The following PLCL2 variants were observed in gnomAD, a reference collection of about 807,000 sequenced individuals.
PLCL2 encodes the protein inactive phospholipase C-like protein 2.
PLCL2 carries 4 observed loss-of-function variants against 79.6 expected under a neutral mutation model. That is an observed-to-expected ratio of 0.05 (90% confidence interval 0.02 to 0.11). PLCL2 has a LOEUF of 0.11. Ranked by LOEUF, PLCL2 falls within the 10% of genes least tolerant of loss-of-function variation. The pLI is 1.00. For synonymous variants in PLCL2, 484 were observed against 457.7 expected, an observed-to-expected ratio of 1.06 and a Z score of -0.73; for missense variants, 895 against 1,291.0, an observed-to-expected ratio of 0.69 and a Z score of 4.70.
At chr3:16,952,360 CAA>C (rs35421244) in intron 1 of PLCL2, among the ~76,000 whole-genome samples, 237 of 22,550 alleles carry the variant, frequency 0.011, no homozygotes, top group African/African-American at 0.037. Flanking sequence ...GAACTTAAAG[CAA>C]AAAAAAAAAA....
At position 17,011,932 on chromosome 3, in the gene PLCL2, G is replaced by T. The variant is rs750540622; in HGVS notation, c.2586G>T (p.Gln862His). 1.2e-6 allele frequency: 2 copies of T among 1,614,210 alleles called. No individual in the cohort carries two copies. The highest frequency in any genetic ancestry group is 1.7e-6 in the Non-Finnish European group (2 of 1,180,036). Reference sequence around the variant, plus strand: ...CGGGCTACCGCCATGTCCCCCTGCAGTCCTTAACTGGAGAGGTCCTTGCAC... The same window carrying T: ...CGGGCTACCGCCATGTCCCCCTGCATTCCTTAACTGGAGAGGTCCTTGCAC... ...LQTGYRHVPLQSLTGEVLAHA... is the reference protein window; with the variant it reads ...LQTGYRHVPLHSLTGEVLAHA... The change falls in exon 2 of 6, where the codon CAG (glutamine) becomes CAT (histidine). Residue 862 changes from glutamine (Q) to histidine (H), a missense_variant. Physicochemically the swap from Gln to His is conservative, Grantham distance 24. This residue lies in a region of PLCL2 where 298 missense variants were observed against 459.6 expected (regional missense o/e 0.65). Coordinates refer to ENST00000615277, the MANE Select transcript of PLCL2 (RefSeq NM_001144382.2). The surrounding 1 kb of genome is among the most constrained non-coding windows in gnomAD (Gnocchi z 7.9).
At position 17,022,314 on chromosome 3, in the gene PLCL2, A is replaced by G. The variant is rs569546563; in HGVS notation, c.3018+7403A>G. ...CTTTTTTCTTCCTATGCAAAAGTAG[A>G]GGAGTTACTTCCTATGTTCCCATCA... On this transcript the variant is annotated intron_variant, in intron 3 of 5. Coordinates refer to ENST00000615277, the MANE Select transcript of PLCL2 (RefSeq NM_001144382.2). Among the ~76,000 whole-genome samples the G allele has an allele frequency of 5.3e-5, 8 of 152,278 alleles. No homozygotes were observed. The East Asian group carries it at 1.5e-3, about 29-fold the overall frequency.
intron 1 of PLCL2, among the ~76,000 whole-genome samples, chr3:16,907,895 T>G (rs1233768467): frequency 6.6e-6 from 1 of 152,216 alleles, no homozygotes; most frequent in Admixed American, 6.5e-5. Context: ...TTTCATTGTA[T>G]TCAATTTGTT....
rs773327702 is a variant in PLCL2 at position 17,009,665 on chromosome 3, T to C, written c.328-9T>C. 1.4e-6 allele frequency: 2 copies of C among 1,463,668 alleles called. No individual in the cohort carries two copies. Among genetic ancestry groups the C allele is most frequent in the Non-Finnish European group, 1.9e-6 (2 of 1,069,342 alleles). 90.7% of individuals were successfully genotyped at this position (1,463,668 alleles called of 1,614,324 possible). A position where few individuals can be genotyped will look rare whatever the true frequency, so the allele number is the denominator to read the frequency against. ...GTTATTCTAATATACGGTCTTTTTT[T>C]CCTCTCAGGATGGTACAAAACAGAA... On this transcript the variant is annotated splice_polypyrimidine_tract_variant and intron_variant, in intron 1 of 5. Transcript: ENST00000615277. This position sits in a 1 kb window ranked among gnomAD's most constrained non-coding sequence, Gnocchi z 4.0.
intron 1 of PLCL2, among the ~76,000 whole-genome samples, chr3:16,921,555 C>G (rs997943713): frequency 6.6e-6 from 1 of 152,074 alleles, no homozygotes; most frequent in African/African-American, 2.4e-5. Flanking sequence ...TTCAACAGAC[C>G]TTCAGCATTC....
intron 1 of PLCL2, among the ~76,000 whole-genome samples, chr3:16,893,554 C>A (rs1446529613): frequency 6.6e-6 from 1 of 151,976 alleles, no homozygotes. Context: ...ATTTTCACAG[C>A]GGAAAGAGAT....
At chr3:16,935,414 G>A (rs1218898673) in intron 1 of PLCL2, among the ~76,000 whole-genome samples, 1 of 151,984 alleles carries the variant, frequency 6.6e-6, no homozygotes, top group Non-Finnish European at 1.5e-5. Flanking sequence ...CATGCTTTAT[G>A]CCTGTAGTTC....
At chr3:16,891,747 T>C (rs1353600322) in intron 1 of PLCL2, among the ~76,000 whole-genome samples, 1 of 152,196 alleles carries the variant, frequency 6.6e-6, no homozygotes, top group Admixed American at 6.5e-5. Context: ...AATAATATGG[T>C]CATCTTACTT....
chr3:17,021,853 A>G (rs866252944), intron 3 of PLCL2, among the ~76,000 whole-genome samples: 1 of 152,228 alleles, frequency 6.6e-6, no homozygotes, highest in Non-Finnish European at 1.5e-5. Flanking sequence ...GCAAGCTACT[A>G]TGTCATCTGA....
chr3:16,971,888 T>A (rs2063872512), intron 1 of PLCL2, among the ~76,000 whole-genome samples: 1 of 152,110 alleles, frequency 6.6e-6, no homozygotes, highest in Non-Finnish European at 1.5e-5. Context: ...GTGATTTTCG[T>A]ACATTGATTC....
At position 17,021,627 on chromosome 3, in the gene PLCL2, CACA is replaced by C. The variant is rs1559521995; in HGVS notation, c.3018+6717_3018+6719del. 8.7e-3 allele frequency among the ~76,000 whole-genome samples: 1,272 copies of C among 145,564 alleles called. 16 individuals are homozygous for C. The highest frequency in any genetic ancestry group is 0.033 in the African/African-American group (1,197 of 36,828). The stretch of plus-strand genomic sequence containing the variant: ...ACACACACACACACACACACACACA[CACA>C]CCCCAGATACTAAGCAAGGAACAGT... On this transcript the variant is annotated intron_variant, in intron 3 of 5. Coordinates refer to ENST00000615277, the MANE Select transcript of PLCL2 (RefSeq NM_001144382.2).
intron 1 of PLCL2, among the ~76,000 whole-genome samples, chr3:16,981,461 T>C (rs2124988330): frequency 1.3e-5 from 2 of 152,312 alleles, no homozygotes; most frequent in African/African-American, 4.8e-5. Context: ...AAATGTGTAA[T>C]GTCAGTGTTA....
intron 1 of PLCL2, among the ~76,000 whole-genome samples, chr3:16,971,167 G>A (rs1236373612): frequency 1.2e-4 from 18 of 151,282 alleles, no homozygotes; most frequent in African/African-American, 4.4e-4. Context: ...TAATGCCTAG[G>A]TTTTCTTCTA....
intron 1 of PLCL2, among the ~76,000 whole-genome samples, chr3:16,991,236 A>T (rs938985642): frequency 2.0e-5 from 3 of 152,198 alleles, no homozygotes; most frequent in Non-Finnish European, 4.4e-5. Flanking sequence ...CTGCCTGGGT[A>T]CTATTTAACC....
intron 1 of PLCL2, among the ~76,000 whole-genome samples, chr3:16,927,387 T>G (rs1559487911): frequency 6.6e-6 from 1 of 152,202 alleles, no homozygotes; most frequent in Non-Finnish European, 1.5e-5. Flanking sequence ...AAGACAAATA[T>G]GACAATAGGC....
In PLCL2 at chr3:16,933,618, T is replaced by C. The variant is rs1208457060; in HGVS notation, c.327+48252T>C. 3.3e-5 allele frequency among the ~76,000 whole-genome samples: 5 copies of C among 152,198 alleles called. No individual in the cohort carries two copies. In the East Asian group the frequency reaches 9.6e-4, roughly 29 times the overall value. On this transcript the variant is annotated intron_variant, in intron 1 of 5. Coordinates refer to ENST00000615277, the MANE Select transcript of PLCL2 (RefSeq NM_001144382.2). Reference sequence around the variant, plus strand: ...AGCATACTAGAATATTGTTCAGCATTTTTATTTCTTTTTTTTTTAACCTTA... The same window carrying C: ...AGCATACTAGAATATTGTTCAGCATCTTTATTTCTTTTTTTTTTAACCTTA...
chr3:16,969,091 C>G (rs2063833475), intron 1 of PLCL2, among the ~76,000 whole-genome samples: 2 of 152,200 alleles, frequency 1.3e-5, no homozygotes, highest in South Asian at 2.1e-4. Context: ...AGGGATAAAG[C>G]CTACTTGATC....
At chr3:16,943,718 G>A (rs535738648) in intron 1 of PLCL2, among the ~76,000 whole-genome samples, 1 of 152,286 alleles carries the variant, frequency 6.6e-6, no homozygotes, top group East Asian at 1.9e-4. Flanking sequence ...CATGTAATCA[G>A]TGTAGCTCTG....
At chr3:17,023,577 T>C (rs2064479302) in intron 3 of PLCL2, among the ~76,000 whole-genome samples, 1 of 152,202 alleles carries the variant, frequency 6.6e-6, no homozygotes, top group Non-Finnish European at 1.5e-5. Flanking sequence ...CCTTTCACCT[T>C]CTGCCATGAT....
Sources: allele counts gnomAD v4.1 joint callset (sites outside exome capture counted in the v4.1 genomes callset), GRCh38; gene constraint gnomAD v4.1.1; regional missense constraint gnomAD v4.1.1; non-coding constraint Gnocchi (gnomAD v3.1); transcripts MANE v1.5; gene names NCBI Gene and HGNC (gene_info 2026-07-23, HGNC 2026-07-21).